SESN2: variants seen among roughly 807,000 people sequenced by gnomAD.
SESN2 encodes the protein sestrin 2.
SESN2 carries 42 observed loss-of-function variants against 56.0 expected under a neutral mutation model. The ratio of observed to expected loss-of-function variants is 0.75; its 90% CI spans 0.59 to 0.97. The LOEUF is 0.97. Ranked by LOEUF, SESN2 falls within the 50% of genes least tolerant of loss-of-function variation. The probability of loss-of-function intolerance (pLI) is 0.00; values close to 1 mark genes in which losing one functional copy is unlikely to be tolerated. For synonymous variants in SESN2, 264 were observed against 267.1 expected (o/e 0.99, Z 0.11); for missense variants, 507 against 649.4 (o/e 0.78, Z 2.38).
rs1648257048 is a variant in SESN2, at chr1:28,281,895, C to G, written c.*1093C>G. On this transcript the variant is annotated 3_prime_UTR_variant, in exon 10 of 10. Coordinates refer to ENST00000253063, the MANE Select transcript of SESN2 (RefSeq NM_031459.5). ...AGTCCCCACAATGTCTGAAGCTGCC[C>G]CTGGGATTCTCAGGCCAACCTGCCA... The G allele has an allele frequency of 6.6e-6, 1 of 152,278 alleles. No individual in the cohort carries two copies. Among genetic ancestry groups the G allele is most frequent in the Non-Finnish European group, 1.5e-5 (1 of 68,094 alleles). The allele number at this position is 152,278 out of a possible 1,614,324, so 9.4% of individuals were successfully genotyped here.
Position 28,278,507 on chromosome 1 carries a change from C to T in SESN2, c.1212-590C>T, listed in dbSNP as rs548177044. Among the ~76,000 whole-genome samples, 52 of 152,286 alleles carry T rather than the reference C, an allele frequency of 3.4e-4. 1 individual carries two copies. The South Asian group carries it at 0.01, about 30-fold the overall frequency. ...GCTTGAACTCAGGAGGCTGAGGTTG[C>T]GGTGAGCCGAGATCACGCCATTGCA... On this transcript the variant is annotated intron_variant, in intron 8 of 9. Coordinates refer to ENST00000253063, the MANE Select transcript of SESN2 (RefSeq NM_031459.5).
rs1648250445 is a variant in SESN2 at position 28,281,746 on chromosome 1, A to C, written c.*944A>C. 1.3e-5 allele frequency: 2 copies of C among 152,338 alleles called. No individual in the cohort carries two copies. The highest frequency in any genetic ancestry group is 2.9e-5 in the Non-Finnish European group (2 of 68,130). 9.4% of individuals were successfully genotyped at this position (152,338 alleles called of 1,614,324 possible). On this transcript the variant is annotated 3_prime_UTR_variant, in exon 10 of 10. Transcript: ENST00000253063. ...GATGGCTTAGGTGGCACCATGGCTC[A>C]GCAGGAGGGGCGGGAGGCACCAGGG... is the stretch of plus-strand genomic sequence containing the variant.
At chr1:28,262,076 T>A (rs1262467569) in intron 1 of SESN2, among the ~76,000 whole-genome samples, 5 of 151,590 alleles carry the variant, frequency 3.3e-5, no homozygotes, top group Non-Finnish European at 5.9e-5. Context: ...CCACCGCACC[T>A]GGCCTATCTG....
Position 28,269,267 on chromosome 1 carries a change from A to G in SESN2, c.156+19A>G, listed in dbSNP as rs1412118827. 1.3e-6 allele frequency: 2 copies of G among 1,593,342 alleles called. No homozygotes were observed. The highest frequency in any genetic ancestry group is 1.7e-6 in the Non-Finnish European group (2 of 1,165,254). ...GGAGGAGGTAAGCTTGGAAGGGGTT[A>G]GGGATCTTTGGTCCCTGGGAAGAAA... On this transcript the variant is annotated intron_variant, in intron 2 of 9. Coordinates refer to ENST00000253063, the MANE Select transcript of SESN2 (RefSeq NM_031459.5).
chr1:28,269,192 G>C lies in SESN2; in HGVS notation c.100G>C (p.Glu34Gln), dbSNP rs764786409. ...GDSGPGEEQR[E>Q]SRARRGPRGP... ...ATATGTTTCCTCCCAGGAGCAGAGG[G>C]AGAGCCGGGCTCGGCGAGGCCCTCG... Residue 34 changes from glutamate (E) to glutamine (Q), a missense_variant, in exon 2 of 10, where the codon GAG becomes CAG. Glu to Gln is a conservative substitution (Grantham distance 29, BLOSUM62 2). Coordinates refer to ENST00000253063, the MANE Select transcript of SESN2 (RefSeq NM_031459.5). 1 of 1,612,670 alleles carries C rather than the reference G, an allele frequency of 6.2e-7. No individual in the cohort carries two copies. Among genetic ancestry groups the C allele is most frequent in the East Asian group, 2.2e-5 (1 of 44,792 alleles).
intron 8 of SESN2, among the ~76,000 whole-genome samples, chr1:28,276,640 G>T (rs1487004102): frequency 2.1e-5 from 3 of 141,698 alleles, no homozygotes; most frequent in East Asian, 4.0e-4. Context: ...AGTGCAATGG[G>T]GTGATCTCAG....
intron 8 of SESN2, among the ~76,000 whole-genome samples, chr1:28,276,546 A>T (rs1190625824): frequency 3.1e-5 from 4 of 129,924 alleles, no homozygotes; most frequent in African/African-American, 5.9e-5. Flanking sequence ...ATTATCAGTT[A>T]TCTCCTTCCT....
At chr1:28,277,062 C>A (rs1648077236) in intron 8 of SESN2, among the ~76,000 whole-genome samples, 2 of 151,938 alleles carry the variant, frequency 1.3e-5, no homozygotes, top group African/African-American at 2.4e-5. Flanking sequence ...CACATGCCAC[C>A]ATGCCCAGGT....
chr1:28,261,481 G>C (rs1469431494), intron 1 of SESN2, among the ~76,000 whole-genome samples: 2 of 152,180 alleles, frequency 1.3e-5, no homozygotes, highest in Non-Finnish European at 2.9e-5. Context: ...ATCTCTAAGG[G>C]ATTGTTGGGA....
intron 2 of SESN2, among the ~76,000 whole-genome samples, chr1:28,270,350 C>CAAAAA (rs1166312841): frequency 1.4e-4 from 14 of 99,242 alleles, no homozygotes; most frequent in Non-Finnish European, 2.5e-4. Flanking sequence ...GACTCCGTCT[C>CAAAAA]AAAAAAAAAA....
intron 6 of SESN2, 76 bp downstream of exon 6, chr1:28,273,584 TG>T: frequency 7.4e-7 from 1 of 1,358,090 alleles, no homozygotes; most frequent in Non-Finnish European, 9.8e-7. Flanking sequence ...AGCCACCTCC[TG>T]CATTCCAGAG....
intron 1 of SESN2, among the ~76,000 whole-genome samples, chr1:28,262,111 C>T (rs528627233): frequency 5.9e-5 from 9 of 152,168 alleles, no homozygotes; most frequent in South Asian, 2.1e-4. Flanking sequence ...ATTCCTCTCT[C>T]GAGAAAAGAG....
chr1:28,265,725 G>A (rs1647537658), intron 1 of SESN2, among the ~76,000 whole-genome samples: 1 of 152,066 alleles, frequency 6.6e-6, no homozygotes, highest in Non-Finnish European at 1.5e-5. Flanking sequence ...GTGTCCTGCT[G>A]TGTTGTCCAG....
At chr1:28,271,212 T>C (rs1287640980) in intron 2 of SESN2, among the ~76,000 whole-genome samples, 1 of 152,130 alleles carries the variant, frequency 6.6e-6, no homozygotes, top group Non-Finnish European at 1.5e-5. Flanking sequence ...CGGAGAAAAC[T>C]GTAAGCTCAG....
intron 1 of SESN2, 30 bp downstream of exon 1, chr1:28,259,967 C>G (rs1297051360): frequency 4.8e-6 from 7 of 1,464,646 alleles, no homozygotes; most frequent in Non-Finnish European, 5.5e-6. Flanking sequence ...CGCCCCTCTT[C>G]CCTGGAACCC....
At chr1:28,269,884 T>C (rs909587998) in intron 2 of SESN2, among the ~76,000 whole-genome samples, 5 of 152,244 alleles carry the variant, frequency 3.3e-5, no homozygotes, top group African/African-American at 1.2e-4. Flanking sequence ...GATTAATCTA[T>C]GTCAGGCACT....
At chr1:28,276,878 CTT>C (rs56403975) in intron 8 of SESN2, among the ~76,000 whole-genome samples, 4,163 of 117,856 alleles carry the variant, frequency 0.035, 89 homozygotes, top group Middle Eastern at 0.074. Flanking sequence ...TGCGCCCAGC[CTT>C]TTTTTTTTTT....
chr1:28,261,161 C>G (rs1207206326), intron 1 of SESN2, among the ~76,000 whole-genome samples: 1 of 152,162 alleles, frequency 6.6e-6, no homozygotes, highest in Non-Finnish European at 1.5e-5. Context: ...CTGCTTTTCT[C>G]TTAGTAACGT....
Position 28,259,554 on chromosome 1 carries a change from G to T in SESN2, c.-294G>T. 1 of 333,058 alleles carries T rather than the reference G, an allele frequency of 3.0e-6. No homozygotes were observed. Among genetic ancestry groups the T allele is most frequent in the Non-Finnish European group, 5.4e-6 (1 of 184,070 alleles). 20.6% of individuals were successfully genotyped at this position (333,058 alleles called of 1,614,324 possible). A position where few individuals can be genotyped will look rare whatever the true frequency, so the allele number is the denominator to read the frequency against. On this transcript the variant is annotated 5_prime_UTR_variant, in exon 1 of 10. Transcript: ENST00000253063. The stretch of plus-strand genomic sequence containing the variant: ...CGCGGCGGGGATGCTGAGGAGCGCT[G>T]GGTCCGGGAGCAGCCCTGGCCCCTG...
Sources: gnomAD v4.1 joint callset for allele counts (sites outside exome capture counted in the v4.1 genomes callset) on GRCh38, gnomAD v4.1.1 for gene constraint, MANE v1.5 for transcripts, NCBI Gene and HGNC (gene_info 2026-07-23, HGNC 2026-07-21) for gene names.